The following SIPA1L2 variants were observed in gnomAD, a reference collection of about 807,000 sequenced individuals.
SIPA1L2 encodes signal induced proliferation associated 1 like 2.
SIPA1L2 carries 56 observed loss-of-function variants against 163.9 expected under a neutral mutation model. That is an observed-to-expected ratio of 0.34 (90% CI 0.28 to 0.43). The LOEUF is 0.43. SIPA1L2 is among the 20% of genes least tolerant of loss of function. SIPA1L2 has a pLI of 1.00. For missense variants in SIPA1L2, 1,974 were observed against 2,193.5 expected (o/e 0.90, Z 2.00); for synonymous variants, 877 against 865.7 (o/e 1.01, Z -0.23).
chr1:232,557,540 T>C (rs1032075638), intron 2 of SIPA1L2, among the ~76,000 whole-genome samples: 5 of 152,192 alleles, frequency 3.3e-5, no homozygotes, highest in African/African-American at 1.2e-4. Context: ...TCTCTCACTC[T>C]TGTTAACCCA....
chr1:232,579,413 C>T (rs896142086), intron 1 of SIPA1L2, among the ~76,000 whole-genome samples: 2 of 152,202 alleles, frequency 1.3e-5, no homozygotes, highest in African/African-American at 4.8e-5. Flanking sequence ...CAGCAAGGTC[C>T]AGTTCATGAC....
chr1:232,458,845 A>C (rs113012511), intron 10 of SIPA1L2, among the ~76,000 whole-genome samples: 1,570 of 152,320 alleles, frequency 0.01, 31 homozygotes, highest in African/African-American at 0.036. Flanking sequence ...ACTCATTTTT[A>C]ATAAATTAAT....
rs148369241 is a variant in SIPA1L2, at chr1:232,557,213, G to T, written c.-270+16961C>A. Among the ~76,000 whole-genome samples the T allele has an allele frequency of 5.9e-5, 9 of 152,290 alleles. No homozygotes were observed. In the East Asian group the frequency reaches 1.7e-3, roughly 29 times the overall value. Reference sequence around the variant, plus strand: ...AGCAGGCGTACAGGACAAATAGGAAGATATAACATACAGTGAACGCCTGCC... The same window carrying T: ...AGCAGGCGTACAGGACAAATAGGAATATATAACATACAGTGAACGCCTGCC... On this transcript the variant is annotated intron_variant, in intron 2 of 22. Transcript: ENST00000674635.
At chr1:232,604,968 T>A (rs909279360) in intron 1 of SIPA1L2, among the ~76,000 whole-genome samples, 7 of 152,140 alleles carry the variant, frequency 4.6e-5, no homozygotes, top group South Asian at 4.1e-4. Context: ...CAATTAAACC[T>A]CTTTTCCTTA....
At chr1:232,615,955 C>T (rs537759353) in intron 1 of SIPA1L2, among the ~76,000 whole-genome samples, 1 of 152,284 alleles carries the variant, frequency 6.6e-6, no homozygotes, top group Non-Finnish European at 1.5e-5. Context: ...CATCTGAGCA[C>T]CAGCTATACG....
intron 1 of SIPA1L2, among the ~76,000 whole-genome samples, chr1:232,608,386 T>C (rs1662076515): frequency 6.6e-6 from 1 of 152,140 alleles, no homozygotes. Flanking sequence ...CAGATAATCT[T>C]TTAGGGATAG....
In SIPA1L2 at chr1:232,439,115, G is replaced by A; in HGVS notation, c.4024C>T (p.His1342Tyr). ...CAGTGCTGTGGGGCTTACCTGGAAT[G>A]AGAGGATATCTCACTGAGATCGCCC... ...SMGDLSEISS[H>Y]SSGSHHSGSP... Residue 1342 changes from histidine (H) to tyrosine (Y), a missense_variant, in exon 15 of 23, where the codon CAT becomes TAT. His to Tyr is a moderately conservative substitution (Grantham distance 83). Around this residue, in one of 3 missense-constraint regions of SIPA1L2, gnomAD observed 1,079 missense variants for 1,150.7 expected, o/e 0.94. Transcript: ENST00000674635. 5.0e-6 allele frequency: 8 copies of A among 1,603,350 alleles called. No individual in the cohort carries two copies. Among genetic ancestry groups the A allele is most frequent in the Non-Finnish European group, 6.0e-6 (7 of 1,174,216 alleles).
At chr1:232,485,491 A>G (rs1013633012) in intron 5 of SIPA1L2, among the ~76,000 whole-genome samples, 8 of 152,224 alleles carry the variant, frequency 5.3e-5, no homozygotes, top group Admixed American at 3.9e-4. Flanking sequence ...ATCTAAGTCA[A>G]TGAGATACCA....
At chr1:232,522,837 A>T (rs988880895) in intron 2 of SIPA1L2, among the ~76,000 whole-genome samples, 5 of 152,246 alleles carry the variant, frequency 3.3e-5, no homozygotes, top group African/African-American at 1.2e-4. Flanking sequence ...AATTAAGCAA[A>T]TGAATGAAAC....
rs186463568 is a variant in SIPA1L2 at position 232,513,971 on chromosome 1, C to T, written c.1369G>A (p.Val457Ile). ...TGGTTTTCTCTGGGCACTTCCAAGA[C>T]GGAGACACCTGCATTTGTGCAGTGA... ...SSHCTNAGVS[V>I]LEVPRENQPI... Residue 457 changes from valine to isoleucine, a missense_variant, in exon 3 of 23, where the codon GTC becomes ATC. Physicochemically the swap from Val to Ile is conservative, Grantham distance 29. Around this residue, in one of 3 missense-constraint regions of SIPA1L2, gnomAD observed 607 missense variants for 624.0 expected, o/e 0.97. Transcript: ENST00000674635. 3.3e-5 allele frequency: 54 copies of T among 1,614,158 alleles called. No homozygotes were observed. The highest frequency in any genetic ancestry group is 6.7e-5 in the East Asian group (3 of 44,872).
Position 232,402,393 on chromosome 1 carries a change from T to C in SIPA1L2, c.5021A>G (p.Lys1674Arg). 6.2e-7 allele frequency: 1 copy of C among 1,613,010 alleles called. No homozygotes were observed. Residue 1674 changes from lysine (K) to arginine (R), a missense_variant and splice_region_variant, in exon 22 of 23, where the codon AAG becomes AGG. Lys to Arg is a conservative substitution (Grantham distance 26). This residue lies in a region of SIPA1L2 where 1,079 missense variants were observed against 1,150.7 expected (regional missense o/e 0.94). Transcript: ENST00000674635. ...GATTATGCTCTTCCAATTGATTACCTTCCGAAGGTCGGTCTGGAGTTGTCG... is the reference window on the plus strand; with the variant it reads ...GATTATGCTCTTCCAATTGATTACCCTCCGAAGGTCGGTCTGGAGTTGTCG... Reference protein sequence around the residue: ...ILRQLQTDLRKEKQDKAVLQA... With the variant: ...ILRQLQTDLRREKQDKAVLQA...
intron 5 of SIPA1L2, among the ~76,000 whole-genome samples, chr1:232,484,593 A>C (rs1665552279): frequency 6.6e-6 from 1 of 152,202 alleles, no homozygotes; most frequent in Non-Finnish European, 1.5e-5. Context: ...ACTATCTTGA[A>C]AACATCTGCT....
At chr1:232,595,058 G>A (rs1229457271) in intron 1 of SIPA1L2, among the ~76,000 whole-genome samples, 2 of 152,182 alleles carry the variant, frequency 1.3e-5, no homozygotes, top group Non-Finnish European at 2.9e-5. Flanking sequence ...GTGCCCATTC[G>A]GAGGAACAGG....
intron 10 of SIPA1L2, 103 bp downstream of exon 10, chr1:232,460,784 C>A: frequency 1.4e-6 from 2 of 1,387,792 alleles, no homozygotes; most frequent in South Asian, 2.8e-5. Flanking sequence ...TACAAAGACA[C>A]ACTTGACTGC....
chr1:232,493,995 C>T (rs1666056204), intron 3 of SIPA1L2, among the ~76,000 whole-genome samples: 1 of 152,134 alleles, frequency 6.6e-6, no homozygotes, highest in Non-Finnish European at 1.5e-5. Context: ...AGGAACATGG[C>T]TACTTGTAGA....
At chr1:232,416,850 C>G (rs1008765934) in intron 18 of SIPA1L2, among the ~76,000 whole-genome samples, 1 of 152,128 alleles carries the variant, frequency 6.6e-6, no homozygotes, top group Non-Finnish European at 1.5e-5. Flanking sequence ...ATGAATGGAC[C>G]TTTTCCATTT....
chr1:232,454,437 A>G (rs1031766389), intron 10 of SIPA1L2, among the ~76,000 whole-genome samples: 1 of 152,246 alleles, frequency 6.6e-6, no homozygotes, highest in Non-Finnish European at 1.5e-5. Context: ...AGCACTGGAC[A>G]GAAGCTCAGC....
chr1:232,471,808 C>G (rs776535086), intron 7 of SIPA1L2, among the ~76,000 whole-genome samples: 2 of 151,984 alleles, frequency 1.3e-5, no homozygotes, highest in Non-Finnish European at 2.9e-5. Flanking sequence ...TTTTTAAACC[C>G]CTAAAATAAT....
chr1:232,507,040 A>T (rs969796943), intron 3 of SIPA1L2, among the ~76,000 whole-genome samples: 4 of 152,134 alleles, frequency 2.6e-5, no homozygotes, highest in Non-Finnish European at 5.9e-5. Context: ...CAATACTGTT[A>T]TGTTATTAAC....
Sources: gnomAD v4.1 joint callset for allele counts (sites outside exome capture counted in the v4.1 genomes callset) on GRCh38, gnomAD v4.1.1 for gene constraint, gnomAD v4.1.1 regional missense constraint, MANE v1.5 for transcripts, NCBI Gene and HGNC (gene_info 2026-07-23, HGNC 2026-07-21) for gene names.